The following NCKAP1 variants were observed in gnomAD, a reference collection of about 807,000 sequenced individuals.
NCKAP1 encodes NCK associated protein 1.
In NCKAP1, 21 loss-of-function variants were observed where a neutral mutation model predicts 151.2. The observed-to-expected ratio is 0.14, with a 90% CI of 0.10 to 0.20. NCKAP1 has a LOEUF of 0.20. Ranked by LOEUF, NCKAP1 falls within the 10% of genes least tolerant of loss-of-function variation. The probability of loss-of-function intolerance (pLI) is 1.00; values close to 1 mark genes in which losing one functional copy is unlikely to be tolerated. For synonymous variants in NCKAP1, 484 were observed against 451.8 expected (o/e 1.07, Z -0.90); for missense variants, 933 against 1,352.1 (o/e 0.69, Z 4.86).
intron 16 of NCKAP1, among the ~76,000 whole-genome samples, chr2:182,965,276 A>AG (rs1456923571): frequency 4.5e-4 from 1 of 2,226 alleles, no homozygotes; most frequent in Non-Finnish European, 1.3e-3. Context: ...TGAACCACTA[A>AG]GAAAAAAAAA....
Position 182,986,191 on chromosome 2 carries a change from C to T in NCKAP1, c.984G>A (p.Lys328=). ...NKRINDIREC[K]EAAVSHAGSM... ...CTCACGCATGTGACACGGCTGCCTC[C>T]TTGCATTCTCTTATGTCATTAATAC... is the stretch of plus-strand genomic sequence containing the variant. Residue 328 remains lysine, a synonymous_variant, in exon 10 of 31, where the codon AAG becomes AAA. Transcript: ENST00000361354. 6.2e-7 allele frequency: 1 copy of T among 1,613,742 alleles called. No individual in the cohort carries two copies. Among genetic ancestry groups the T allele is most frequent in the Middle Eastern group, 1.7e-4 (1 of 6,058 alleles).
intron 18 of NCKAP1, among the ~76,000 whole-genome samples, chr2:182,958,691 T>TAAA (rs1559082066): frequency 6.6e-6 from 1 of 152,200 alleles, no homozygotes; most frequent in Non-Finnish European, 1.5e-5. Flanking sequence ...GGTTTCTACC[T>TAAA]AACACATTGT....
chr2:183,021,649 G>A (rs560917396), intron 2 of NCKAP1, among the ~76,000 whole-genome samples: 82 of 152,074 alleles, frequency 5.4e-4, no homozygotes, highest in African/African-American at 1.9e-3. Context: ...GCTACAACTT[G>A]GATAAACCTT....
intron 1 of NCKAP1, among the ~76,000 whole-genome samples, chr2:183,034,640 A>G (rs905234962): frequency 6.6e-6 from 1 of 152,182 alleles, no homozygotes; most frequent in Admixed American, 6.5e-5. Flanking sequence ...AATGTTGCCC[A>G]AAAGAGATGC....
intron 29 of NCKAP1, 109 bp from the exon 30 acceptor site, chr2:182,927,014 T>C: frequency 1.5e-6 from 1 of 680,246 alleles, no homozygotes; most frequent in Non-Finnish European, 2.5e-6. Flanking sequence ...CAGTGCTAAA[T>C]ATAAAATAAT....
rs1354832288 is a variant in NCKAP1, at chr2:182,981,224, T to C, written c.1341+20A>G. 6.2e-6 allele frequency: 10 copies of C among 1,606,040 alleles called. No homozygotes were observed. Among genetic ancestry groups the C allele is most frequent in the Non-Finnish European group, 8.5e-6 (10 of 1,176,328 alleles). On this transcript the variant is annotated intron_variant, in intron 13 of 30. Transcript: ENST00000361354. ...TGGGAAGGAAGGAACAAAAGGGAAA[T>C]AGTATGAGATAGTTTTTACCTGCAC...
intron 18 of NCKAP1, among the ~76,000 whole-genome samples, chr2:182,960,433 C>G (rs1174657609): frequency 6.6e-6 from 1 of 152,160 alleles, no homozygotes; most frequent in African/African-American, 2.4e-5. Context: ...TGCCGCATAT[C>G]TACAACCATC....
At chr2:183,017,079 T>C (rs564181069) in intron 2 of NCKAP1, among the ~76,000 whole-genome samples, 15 of 152,222 alleles carry the variant, frequency 9.9e-5, no homozygotes, top group African/African-American at 3.1e-4. Flanking sequence ...ATGTTCCATA[T>C]TGGATAAAAA....
Position 182,922,596 on chromosome 2 carries a change from C to T in NCKAP1, c.*3106G>A, listed in dbSNP as rs963559465. On this transcript the variant is annotated 3_prime_UTR_variant, in exon 31 of 31. Transcript: ENST00000361354. ...CAGCCCACTTGTGGTTCCTTCTAAT[C>T]CTTCACGTACCAGCTCAAATGTTTT... 1 of 152,260 alleles carries T rather than the reference C, an allele frequency of 6.6e-6. No individual in the cohort carries two copies. The highest frequency in any genetic ancestry group is 2.4e-5 in the African/African-American group (1 of 41,444). 9.4% of individuals were successfully genotyped at this position (152,260 alleles called of 1,614,324 possible).
chr2:182,955,891 T>A (rs575025563), intron 20 of NCKAP1, among the ~76,000 whole-genome samples: 13 of 152,316 alleles, frequency 8.5e-5, no homozygotes, highest in Non-Finnish European at 1.0e-4. Context: ...ATGAAATACA[T>A]TGATTTGCTC....
intron 2 of NCKAP1, among the ~76,000 whole-genome samples, chr2:183,005,763 G>A (rs763655956): frequency 1.7e-4 from 26 of 151,958 alleles, no homozygotes; most frequent in Middle Eastern, 3.4e-3. Flanking sequence ...CACTACATAC[G>A]GTAGCCAAAA....
At chr2:182,949,691 G>A (rs1697177262) in intron 23 of NCKAP1, among the ~76,000 whole-genome samples, 3 of 152,310 alleles carry the variant, frequency 2.0e-5, no homozygotes, top group Admixed American at 6.5e-5. Flanking sequence ...CTACTCAGGA[G>A]GCTGAGGTGA....
chr2:182,928,653 T>C (rs1036268810), intron 28 of NCKAP1, 130 bp downstream of exon 28: 1 of 594,818 alleles, frequency 1.7e-6, no homozygotes, highest in African/African-American at 1.9e-5. Flanking sequence ...GAAACTGCAG[T>C]TTAGGAAAAG....
At position 182,915,794 on chromosome 2, in the gene NCKAP1, T is replaced by A. The variant is rs1198516096; in HGVS notation, c.*9908A>T. The A allele has an allele frequency of 6.6e-6, 1 of 152,190 alleles. No individual in the cohort carries two copies. The highest frequency in any genetic ancestry group is 1.5e-5 in the Non-Finnish European group (1 of 68,038). The allele number at this position is 152,190 out of a possible 1,614,324, so 9.4% of individuals were successfully genotyped here. A position where few individuals can be genotyped will look rare whatever the true frequency, so the allele number is the denominator to read the frequency against. ...GAGTCACCAGAATAAAATGATCATT[T>A]ATTTCAGGACAATGACCTGAGTAGT... On this transcript the variant is annotated 3_prime_UTR_variant, in exon 31 of 31. Transcript: ENST00000361354.
intron 15 of NCKAP1, among the ~76,000 whole-genome samples, chr2:182,970,633 A>G (rs191645510): frequency 1.6e-3 from 249 of 152,312 alleles, no homozygotes; most frequent in Non-Finnish European, 2.1e-3. Context: ...AATAAAGGCC[A>G]TAGATGATGA....
intron 23 of NCKAP1, 116 bp downstream of exon 23, chr2:182,952,289 A>G (rs1697230816): frequency 1.7e-6 from 1 of 603,926 alleles, no homozygotes; most frequent in Non-Finnish European, 2.7e-6. Flanking sequence ...TCATTTTCAT[A>G]TTAGTACTTT....
chr2:182,951,102 AT>A (rs1697205917), intron 23 of NCKAP1, among the ~76,000 whole-genome samples: 1 of 151,762 alleles, frequency 6.6e-6, no homozygotes, highest in Non-Finnish European at 1.5e-5. Flanking sequence ...AAAGTGCTGG[AT>A]TACAGGCATG....
At position 182,930,692 on chromosome 2, in the gene NCKAP1, T is replaced by C; in HGVS notation, c.2953+3A>G. On this transcript the variant is annotated splice_donor_region_variant and intron_variant, in intron 27 of 30. Transcript: ENST00000361354. ...GTATTAAATATTTACTAATGCATTT[T>C]ACCCGATTTTTGTGAAGAAAGAGCT... 1 of 1,611,152 alleles carries C rather than the reference T, an allele frequency of 6.2e-7. No homozygotes were observed. Among genetic ancestry groups the C allele is most frequent in the Non-Finnish European group, 8.5e-7 (1 of 1,177,460 alleles).
At chr2:182,935,258 T>C in intron 25 of NCKAP1, 35 bp downstream of exon 25, 1 of 1,332,864 alleles carries the variant, frequency 7.5e-7, no homozygotes, top group South Asian at 1.3e-5. Context: ...AGGGATTGTT[T>C]GGATACCGAG....
Sources: gnomAD v4.1 joint callset for allele counts (sites outside exome capture counted in the v4.1 genomes callset) on GRCh38, gnomAD v4.1.1 for gene constraint, MANE v1.5 for transcripts, NCBI Gene and HGNC (gene_info 2026-07-23, HGNC 2026-07-21) for gene names.